Variants in MFSD11 observed in about 807,000 individuals in gnomAD.
The protein encoded by MFSD11 is UNC93-like protein MFSD11.
In MFSD11, 36 loss-of-function variants were observed where a neutral mutation model predicts 53.5. That is an observed-to-expected ratio of 0.67 (90% CI 0.52 to 0.89). The LOEUF (loss-of-function observed/expected upper bound fraction) is 0.89, where lower values mean the gene tolerates loss of function less well. MFSD11 is among the 40% of genes least tolerant of loss of function. The pLI, the probability that MFSD11 is intolerant of heterozygous loss-of-function variation, is 0.00. For missense variants in MFSD11, 530 were observed against 543.9 expected, an observed-to-expected ratio of 0.97 and a Z score of 0.25; for synonymous variants, 186 against 184.9, an observed-to-expected ratio of 1.01 and a Z score of -0.05.
At chr17:76,780,152 G>A (rs1179462688), downstream of MFSD11, among the ~76,000 whole-genome samples, 1 of 151,962 alleles carries the variant, frequency 6.6e-6, no homozygotes, top group Non-Finnish European at 1.5e-5. Flanking sequence ...CATTCACAAG[G>A]TTGCATAACC....
the MFSD11 span, among the ~76,000 whole-genome samples, chr17:76,789,381 C>T: frequency 2.3e-4 from 35 of 150,036 alleles, 1 homozygote; most frequent in Admixed American, 2.1e-3. Context: ...ATGTGCAGTG[C>T]GTTTACTGAA....
intron 8 of MFSD11, among the ~76,000 whole-genome samples, chr17:76,764,877 C>T (rs1288000209): frequency 6.6e-6 from 1 of 152,168 alleles, no homozygotes; most frequent in Non-Finnish European, 1.5e-5. Flanking sequence ...CAATTTACAT[C>T]CTCACCAATA....
intron 1 of MFSD11, chr17:76,738,675 T>C (rs2077743409): frequency 1.7e-6 from 1 of 604,578 alleles, no homozygotes; most frequent in African/African-American, 1.9e-5. Context: ...GTTTGGATGT[T>C]AACCTGGTTA....
chr17:76,752,398 T>A (rs935913236), intron 7 of MFSD11, among the ~76,000 whole-genome samples: 1 of 133,940 alleles, frequency 7.5e-6, no homozygotes, highest in African/African-American at 3.1e-5. Context: ...AAGTCAGGGA[T>A]TTTTTTTTTT....
the MFSD11 span, among the ~76,000 whole-genome samples, chr17:76,795,676 T>C: frequency 6.6e-6 from 1 of 152,092 alleles, no homozygotes; most frequent in Non-Finnish European, 1.5e-5. Context: ...TTTGATTAAA[T>C]TTCTCCATTC....
Position 76,749,618 on chromosome 17 carries a change from A to C in MFSD11, c.642-4429A>C, listed in dbSNP as rs533776135. Reference sequence around the variant, plus strand: ...AATAAAAAAATAAAGCAGGCTGGGCACGGTGACTTAAACCTGTAATTCCAG... The same window carrying C: ...AATAAAAAAATAAAGCAGGCTGGGCCCGGTGACTTAAACCTGTAATTCCAG... On this transcript the variant is annotated intron_variant, in intron 7 of 12. Coordinates refer to ENST00000685175, the MANE Select transcript of MFSD11 (RefSeq NM_001242532.5). Among the ~76,000 whole-genome samples the C allele has an allele frequency of 2.6e-5, 4 of 151,798 alleles. 1 individual carries two copies. The highest frequency in any genetic ancestry group is 9.7e-5 in the African/African-American group (4 of 41,386).
chr17:76,791,214 T>C, the MFSD11 span, among the ~76,000 whole-genome samples: 1 of 148,780 alleles, frequency 6.7e-6, no homozygotes, highest in Non-Finnish European at 1.5e-5. Context: ...TCTGCCCTAT[T>C]TCTGTGTGAT....
At chr17:76,744,921 C>T (rs2078404925) in intron 7 of MFSD11, among the ~76,000 whole-genome samples, 1 of 152,220 alleles carries the variant, frequency 6.6e-6, no homozygotes, top group Non-Finnish European at 1.5e-5. Flanking sequence ...TTGGTTATCA[C>T]TAGGCTCTTG....
At chr17:76,748,370 T>A (rs78527720) in intron 7 of MFSD11, among the ~76,000 whole-genome samples, 8,098 of 152,172 alleles carry the variant, frequency 0.053, 674 homozygotes, top group African/African-American at 0.18. Flanking sequence ...GAAAAAGATT[T>A]GAAGAGGTCC....
Position 76,767,585 on chromosome 17 carries a change from T to G in MFSD11, c.748+134T>G, listed in dbSNP as rs543437285. 1,004 of 591,658 alleles carry G rather than the reference T, an allele frequency of 1.7e-3. 3 individuals are homozygous for G. Among genetic ancestry groups the G allele is most frequent in the South Asian group, 3.9e-3 (176 of 45,212 alleles). The allele number at this position is 591,658 out of a possible 1,614,324, so 36.7% of individuals were successfully genotyped here. A position where few individuals can be genotyped will look rare whatever the true frequency, so the allele number is the denominator to read the frequency against. On this transcript the variant is annotated intron_variant, in intron 9 of 12. Transcript: ENST00000685175. ...GAATGGTTCTTCTCATGGTGTCACTTGGGGTCTCTTGTGGCTGGTTTCCTT... is the reference window on the plus strand; with the variant it reads ...GAATGGTTCTTCTCATGGTGTCACTGGGGGTCTCTTGTGGCTGGTTTCCTT...
intron 8 of MFSD11, 95 bp downstream of exon 8, chr17:76,754,182 C>A: frequency 1.0e-6 from 1 of 975,426 alleles, no homozygotes; most frequent in South Asian, 1.4e-5. Flanking sequence ...ATTGATGACA[C>A]CCCAGGGTTT....
downstream of MFSD11, among the ~76,000 whole-genome samples, chr17:76,784,568 C>T (rs186497260): frequency 1.9e-4 from 29 of 150,834 alleles, no homozygotes; most frequent in African/African-American, 6.6e-4. Flanking sequence ...TGTGGTTTCT[C>T]CATACGATGG....
chr17:76,784,776 G>A (rs2082251579), downstream of MFSD11, among the ~76,000 whole-genome samples: 1 of 152,080 alleles, frequency 6.6e-6, no homozygotes, highest in South Asian at 2.1e-4. Context: ...GCATGTGCCT[G>A]TAATCCTAGC....
chr17:76,780,165 C>T (rs1350966729), downstream of MFSD11, among the ~76,000 whole-genome samples: 2 of 152,102 alleles, frequency 1.3e-5, no homozygotes, highest in African/African-American at 4.8e-5. Context: ...GCATAACCAC[C>T]ACAATGATCT....
At chr17:76,786,647 C>A in the MFSD11 span, among the ~76,000 whole-genome samples, 3 of 152,200 alleles carry the variant, frequency 2.0e-5, no homozygotes, top group Admixed American at 2.0e-4. Context: ...AACAAAGATG[C>A]AGAAACACAG....
chr17:76,743,179 T>C (rs1454932307), intron 5 of MFSD11, among the ~76,000 whole-genome samples: 1 of 152,196 alleles, frequency 6.6e-6, no homozygotes, highest in Non-Finnish European at 1.5e-5. Context: ...ATCAGGTTAC[T>C]GTCACATGGA....
chr17:76,742,323 G>C (rs747131084), intron 5 of MFSD11, 50 bp downstream of exon 5: 2 of 1,490,520 alleles, frequency 1.3e-6, no homozygotes, highest in South Asian at 1.2e-5. Context: ...TTTTTTTTCT[G>C]TCATACCATT....
At position 76,743,185 on chromosome 17, in the gene MFSD11, A is replaced by G. The variant is rs866425185; in HGVS notation, c.438-213A>G. Among the ~76,000 whole-genome samples, 6 of 152,330 alleles carry G rather than the reference A, an allele frequency of 3.9e-5. No homozygotes were observed. In the South Asian group the frequency reaches 6.2e-4, roughly 16 times the overall value. ...TGCCTCTGAATCAGGTTACTGTCAC[A>G]TGGAAGGAGACTGAATTCCATCTGG... On this transcript the variant is annotated intron_variant, in intron 5 of 12. Coordinates refer to ENST00000685175, the MANE Select transcript of MFSD11 (RefSeq NM_001242532.5).
the MFSD11 span, among the ~76,000 whole-genome samples, chr17:76,799,696 G>A: frequency 6.6e-6 from 1 of 152,016 alleles, no homozygotes. Flanking sequence ...TTATATCGCA[G>A]AACCACACCT....
Sources: allele counts gnomAD v4.1 joint callset (sites outside exome capture counted in the v4.1 genomes callset), GRCh38; gene constraint gnomAD v4.1.1; transcripts MANE v1.5; gene names NCBI Gene and HGNC (gene_info 2026-07-23, HGNC 2026-07-21).